Variants in ABRAXAS1 observed in about 807,000 individuals in gnomAD.
The protein encoded by ABRAXAS1 is BRCA1-A complex subunit Abraxas 1.
In ABRAXAS1, 26 loss-of-function variants were observed where a neutral mutation model predicts 38.4. The observed-to-expected ratio is 0.68, with a 90% CI of 0.50 to 0.94. ABRAXAS1 has a LOEUF of 0.94. ABRAXAS1 is among the 40% of genes least tolerant of loss of function. The pLI, the probability that ABRAXAS1 is intolerant of heterozygous loss-of-function variation, is 0.00. For synonymous variants in ABRAXAS1, 144 were observed against 165.5 expected (o/e 0.87, Z 1.00); for missense variants, 438 against 481.9 (o/e 0.91, Z 0.85).
chr4:83,466,641 TTC>T (rs1161813715), intron 7 of ABRAXAS1, among the ~76,000 whole-genome samples: 3 of 151,908 alleles, frequency 2.0e-5, no homozygotes. Flanking sequence ...GTTCACGCCA[TTC>T]TCCTGCCTCA....
chr4:83,482,882 T>C (rs1250812141), intron 1 of ABRAXAS1, among the ~76,000 whole-genome samples: 1 of 152,064 alleles, frequency 6.6e-6, no homozygotes. Flanking sequence ...CTTGGAAGCA[T>C]ATAAGACTTA....
intron 6 of ABRAXAS1, among the ~76,000 whole-genome samples, 164 bp from the exon 7 acceptor site, chr4:83,467,702 CCTA>C (rs1317274496): frequency 1.6e-4 from 24 of 152,268 alleles, no homozygotes; most frequent in African/African-American, 4.3e-4. Flanking sequence ...AACCACAAAA[CCTA>C]CTTCATTGAT....
At chr4:83,469,205 T>C (rs1722493813) in intron 5 of ABRAXAS1, 54 bp from the exon 6 acceptor site, 1 of 1,490,500 alleles carries the variant, frequency 6.7e-7, no homozygotes, top group Non-Finnish European at 9.3e-7. Flanking sequence ...AAGATTAGTA[T>C]CTACCTGCTG....
rs190516969 is a variant in ABRAXAS1, at chr4:83,473,255, G to A, written c.216-967C>T. Reference sequence around the variant, plus strand: ...AGATGGCACTACTGCACTCCAGGCTGGGCAACAGAGCAGTCTCTGTCATCT... The same window carrying A: ...AGATGGCACTACTGCACTCCAGGCTAGGCAACAGAGCAGTCTCTGTCATCT... On this transcript the variant is annotated intron_variant, in intron 3 of 8. Coordinates refer to ENST00000321945, the MANE Select transcript of ABRAXAS1 (RefSeq NM_139076.3). Among the ~76,000 whole-genome samples, 13 of 152,228 alleles carry A rather than the reference G, an allele frequency of 8.5e-5. No homozygotes were observed. In the East Asian group the frequency reaches 2.5e-3, roughly 29 times the overall value.
chr4:83,484,626 GAA>G (rs1330487374), intron 1 of ABRAXAS1, among the ~76,000 whole-genome samples: 6 of 152,344 alleles, frequency 3.9e-5, no homozygotes, highest in Non-Finnish European at 8.8e-5. Context: ...GCGAGAAACG[GAA>G]AGTTTACCGC....
At chr4:83,471,821 G>T (rs1336500541) in intron 4 of ABRAXAS1, among the ~76,000 whole-genome samples, 2 of 151,920 alleles carry the variant, frequency 1.3e-5, no homozygotes, top group African/African-American at 4.8e-5. Flanking sequence ...AGTCAGCCTA[G>T]ATCACACCAC....
chr4:83,481,124 T>A (rs1722988327), intron 2 of ABRAXAS1, among the ~76,000 whole-genome samples: 1 of 151,276 alleles, frequency 6.6e-6, no homozygotes, highest in South Asian at 2.1e-4. Context: ...AGAGTGAGAC[T>A]CTGCCTCAAA....
At chr4:83,469,255 A>AC (rs1248156472) in intron 5 of ABRAXAS1, 104 bp from the exon 6 acceptor site, 15 of 852,802 alleles carry the variant, frequency 1.8e-5, no homozygotes, top group East Asian at 7.6e-5. Context: ...AAAAAAATAC[A>AC]CCCCCCAAAA....
chr4:83,480,069 T>G (rs1349427488), intron 2 of ABRAXAS1: 7 of 206,876 alleles, frequency 3.4e-5, no homozygotes, highest in African/African-American at 1.7e-4. Context: ...TTTGTGTAAA[T>G]AAAAAGTATA....
Position 83,459,596 on chromosome 4 carries a change from C to T in ABRAXAS1, c.*2873G>A. 1 of 659,762 alleles carries T rather than the reference C, an allele frequency of 1.5e-6. No individual in the cohort carries two copies. The allele number at this position is 659,762 out of a possible 1,614,324, so 40.9% of individuals were successfully genotyped here. On this transcript the variant is annotated 3_prime_UTR_variant, in exon 9 of 9. Coordinates refer to ENST00000321945, the MANE Select transcript of ABRAXAS1 (RefSeq NM_139076.3). Reference sequence around the variant, plus strand: ...TATTTAAAAGGTAACAGGAGGATAACAATATTTTTTTCTTATATTTTATGA... The same window carrying T: ...TATTTAAAAGGTAACAGGAGGATAATAATATTTTTTTCTTATATTTTATGA...
At chr4:83,473,813 C>A (rs946870553) in intron 3 of ABRAXAS1, among the ~76,000 whole-genome samples, 1 of 151,622 alleles carries the variant, frequency 6.6e-6, no homozygotes, top group South Asian at 2.1e-4. Context: ...CCATGACCCA[C>A]CTGCATAATT....
chr4:83,462,635 C>A lies in ABRAXAS1; in HGVS notation c.1064G>T (p.Trp355Leu), dbSNP rs759694768. The A allele has an allele frequency of 1.2e-6, 2 of 1,614,002 alleles. No individual in the cohort carries two copies. The highest frequency in any genetic ancestry group is 1.7e-6 in the Non-Finnish European group (2 of 1,180,006). The change falls in exon 9 of 9, where the codon TGG becomes TTG. Residue 355 changes from tryptophan to leucine, a missense_variant. Trp to Leu is a moderately conservative substitution (Grantham distance 61, BLOSUM62 -2). Around this residue, in one of 3 missense-constraint regions of ABRAXAS1, gnomAD observed 184 missense variants for 181.9 expected, o/e 1.01. Transcript: ENST00000321945. ...KHKALDLDDR[W>L]QFKRSRLLDT... ...TAACAACCGAGATCTCTTGAATTGC[C>A]ATCTGTCATCTAAGTCTAAGGCTTT... is the stretch of plus-strand genomic sequence containing the variant.
At chr4:83,477,873 T>C in intron 2 of ABRAXAS1, 2 of 745,440 alleles carry the variant, frequency 2.7e-6, no homozygotes, top group Non-Finnish European at 4.9e-6. Context: ...GAAACTCTTT[T>C]AATCAACATG....
chr4:83,477,387 C>G (rs1473739583), intron 2 of ABRAXAS1: 1 of 179,538 alleles, frequency 5.6e-6, no homozygotes, highest in Non-Finnish European at 1.2e-5. Flanking sequence ...GCTTTTAAAA[C>G]TCAAGTGTCC....
At chr4:83,484,710 A>C in intron 1 of ABRAXAS1, 12 of 311,250 alleles carry the variant, frequency 3.9e-5, no homozygotes, top group Non-Finnish European at 4.7e-5. Flanking sequence ...CCACAGCTAC[A>C]GGGGCGCCGA....
intron 7 of ABRAXAS1, among the ~76,000 whole-genome samples, chr4:83,464,829 A>G (rs1268545928): frequency 6.6e-6 from 1 of 152,214 alleles, no homozygotes; most frequent in Non-Finnish European, 1.5e-5. Context: ...AAGGTCTGGA[A>G]GGATAGCAAT....
At chr4:83,480,214 CA>C (rs954646003) in intron 2 of ABRAXAS1, 98 of 244,074 alleles carry the variant, frequency 4.0e-4, no homozygotes, top group African/African-American at 9.3e-4. Flanking sequence ...ACTAAAAATA[CA>C]AAAAAAATTA....
Position 83,461,792 on chromosome 4 carries a change from C to G in ABRAXAS1, c.*677G>C, listed in dbSNP as rs189572362. ...GATTTGCTAAATTTCATGCAAAGGA[C>G]TCTAAACTAGGGGAGAGATTACTGT... On this transcript the variant is annotated 3_prime_UTR_variant, in exon 9 of 9. Transcript: ENST00000321945. The G allele has an allele frequency of 1.4e-4, 33 of 228,642 alleles. 1 individual carries two copies. In the East Asian group the frequency reaches 1.8e-3, roughly 12 times the overall value. The allele number at this position is 228,642 out of a possible 1,614,324, so 14.2% of individuals were successfully genotyped here. A position where few individuals can be genotyped will look rare whatever the true frequency, so the allele number is the denominator to read the frequency against.
rs890890766 is a variant in ABRAXAS1, at chr4:83,462,288, T to C, written c.*181A>G. On this transcript the variant is annotated 3_prime_UTR_variant, in exon 9 of 9. Coordinates refer to ENST00000321945, the MANE Select transcript of ABRAXAS1 (RefSeq NM_139076.3). ...AAGGTTTGGAAATAAAAGCATCTGA[T>C]GTTTGAAAAAGTACTTTGTGAAGTA... The C allele has an allele frequency of 8.6e-6, 5 of 579,130 alleles. No individual in the cohort carries two copies. Among genetic ancestry groups the C allele is most frequent in the East Asian group, 3.0e-5 (1 of 33,702 alleles). The allele number at this position is 579,130 out of a possible 1,614,324, so 35.9% of individuals were successfully genotyped here. A position where few individuals can be genotyped will look rare whatever the true frequency, so the allele number is the denominator to read the frequency against.
Sources: allele counts gnomAD v4.1 joint callset (sites outside exome capture counted in the v4.1 genomes callset), GRCh38; gene constraint gnomAD v4.1.1; regional missense constraint gnomAD v4.1.1; transcripts MANE v1.5; gene names NCBI Gene and HGNC (gene_info 2026-07-23, HGNC 2026-07-21).